The following TRDN variants were observed in gnomAD, a reference collection of about 807,000 sequenced individuals.
The protein encoded by TRDN is triadin, also known as triadin in skeletal muscle.
TRDN carries 161 observed loss-of-function variants against 149.7 expected under a neutral mutation model. The ratio of observed to expected loss-of-function variants is 1.08; its 90% CI spans 0.95 to 1.23. The LOEUF (loss-of-function observed/expected upper bound fraction) is 1.23. Among genes scored for constraint, TRDN ranks in the 50% most tolerant of loss-of-function variants. The pLI is 0.00. For synonymous variants in TRDN, 294 were observed against 250.5 expected (o/e 1.17, Z -1.64); for missense variants, 896 against 823.5 (o/e 1.09, Z -1.08).
At chr6:123,513,194 TTGGGATTA>T (rs1176840418) in intron 6 of TRDN, among the ~76,000 whole-genome samples, 1 of 152,082 alleles carries the variant, frequency 6.6e-6, no homozygotes, top group Non-Finnish European at 1.5e-5. Context: ...CCACTACCAC[TTGGGATTA>T]TGGGTAATAG....
intron 14 of TRDN, among the ~76,000 whole-genome samples, chr6:123,383,305 A>T (rs1025746196): frequency 6.6e-6 from 1 of 152,110 alleles, no homozygotes; most frequent in Non-Finnish European, 1.5e-5. Context: ...GGTGAAGGTA[A>T]TGTCCCACTT....
At chr6:123,424,272 C>T (rs1408513962) in intron 12 of TRDN, among the ~76,000 whole-genome samples, 1 of 152,150 alleles carries the variant, frequency 6.6e-6, no homozygotes, top group Non-Finnish European at 1.5e-5. Context: ...TCCTGCCTAA[C>T]TGCCCTTTTC....
intron 4 of TRDN, 61 bp from the exon 5 acceptor site, chr6:123,530,626 G>T (rs1583197418): frequency 2.0e-6 from 2 of 992,710 alleles, no homozygotes; most frequent in Non-Finnish European, 2.7e-6. Context: ...TTAAGCCATA[G>T]CTATGACCTA....
intron 1 of TRDN, among the ~76,000 whole-genome samples, chr6:123,619,236 C>T (rs1785255224): frequency 6.6e-6 from 1 of 152,066 alleles, no homozygotes; most frequent in African/African-American, 2.4e-5. Context: ...TTATTTTGCC[C>T]AGAAATTTGT....
intron 12 of TRDN, among the ~76,000 whole-genome samples, chr6:123,423,030 T>C (rs567442803): frequency 1.3e-5 from 2 of 152,124 alleles, no homozygotes; most frequent in Non-Finnish European, 2.9e-5. Context: ...AGCAGATAAA[T>C]GTAACAGCGT....
intron 39 of TRDN, among the ~76,000 whole-genome samples, chr6:123,223,005 G>A (rs1775208711): frequency 6.6e-6 from 1 of 151,790 alleles, no homozygotes; most frequent in Non-Finnish European, 1.5e-5. Flanking sequence ...AACATATGTT[G>A]AGGAGCTTGC....
At chr6:123,470,179 T>C (rs192349526) in intron 9 of TRDN, 2 of 152,314 alleles carry the variant, frequency 1.3e-5, no homozygotes, top group Admixed American at 1.3e-4. Flanking sequence ...TTAGTATGTA[T>C]TTCTTGAGTC....
intron 1 of TRDN, among the ~76,000 whole-genome samples, chr6:123,635,132 G>A (rs1037619217): frequency 4.6e-5 from 7 of 151,968 alleles, no homozygotes; most frequent in East Asian, 3.9e-4. Flanking sequence ...AGATTAAGAC[G>A]CTCGTAGCTA....
chr6:123,612,085 T>G (rs1411063391), intron 1 of TRDN, among the ~76,000 whole-genome samples: 1 of 151,508 alleles, frequency 6.6e-6, no homozygotes, highest in African/African-American at 2.4e-5. Flanking sequence ...ATCTGCCATT[T>G]TCAAGTTCGA....
intron 1 of TRDN, among the ~76,000 whole-genome samples, chr6:123,581,206 TC>T (rs1783103745): frequency 6.6e-6 from 1 of 152,224 alleles, no homozygotes; most frequent in Non-Finnish European, 1.5e-5. Context: ...CTTATTAAAT[TC>T]CCACTGTTTA....
chr6:123,227,050 A>T (rs745639714), intron 38 of TRDN, among the ~76,000 whole-genome samples: 12 of 151,858 alleles, frequency 7.9e-5, no homozygotes, highest in Non-Finnish European at 1.8e-4. Flanking sequence ...TAAGATTATC[A>T]TGTGGAACAT....
chr6:123,465,127 G>A, intron 9 of TRDN, 144 bp from the exon 10 acceptor site: 1 of 926,830 alleles, frequency 1.1e-6, no homozygotes, highest in Non-Finnish European at 1.5e-6. Context: ...AAAAAAGAAA[G>A]CTATTATTAA....
At chr6:123,260,129 A>G (rs748409045) in intron 34 of TRDN, among the ~76,000 whole-genome samples, 26 of 151,928 alleles carry the variant, frequency 1.7e-4, no homozygotes, top group Non-Finnish European at 3.2e-4. Context: ...TGCTTTGAAG[A>G]CAAGCTAGGA....
chr6:123,291,132 G>GGGT (rs1777995263), intron 24 of TRDN, among the ~76,000 whole-genome samples: 1 of 152,112 alleles, frequency 6.6e-6, no homozygotes, highest in South Asian at 2.1e-4. Flanking sequence ...ACTCTTGTCT[G>GGGT]GGTGGTGGAG....
chr6:123,608,872 T>C (rs1182035838), intron 1 of TRDN, among the ~76,000 whole-genome samples: 3 of 149,926 alleles, frequency 2.0e-5, no homozygotes, highest in Non-Finnish European at 3.0e-5. Context: ...TTTATACTCA[T>C]GAAAAAAAAA....
intron 31 of TRDN, 70 bp from the exon 32 acceptor site, chr6:123,267,821 T>A: frequency 7.9e-7 from 1 of 1,262,552 alleles, no homozygotes; most frequent in Non-Finnish European, 1.1e-6. Flanking sequence ...TTTATATATT[T>A]GCAAGTGATC....
chr6:123,600,573 A>G (rs575861409), intron 1 of TRDN, among the ~76,000 whole-genome samples: 5 of 152,212 alleles, frequency 3.3e-5, no homozygotes, highest in African/African-American at 1.2e-4. Context: ...GGATGGGGAC[A>G]TAATCTGAGG....
chr6:123,337,188 A>G (rs565494024), intron 22 of TRDN, among the ~76,000 whole-genome samples: 30 of 152,120 alleles, frequency 2.0e-4, no homozygotes, highest in African/African-American at 7.2e-4. Context: ...ATTACTTCCT[A>G]TTTGTAGCTT....
chr6:123,303,848 G>C (rs972523757), intron 24 of TRDN, among the ~76,000 whole-genome samples: 2 of 152,054 alleles, frequency 1.3e-5, no homozygotes, highest in Non-Finnish European at 2.9e-5. Flanking sequence ...TCTTTAAAGA[G>C]AAAATGTAAA....
Sources: gnomAD v4.1 joint callset for allele counts (sites outside exome capture counted in the v4.1 genomes callset) on GRCh38, gnomAD v4.1.1 for gene constraint, MANE v1.5 for transcripts, NCBI Gene and HGNC (gene_info 2026-07-23, HGNC 2026-07-21) for gene names.